LRRTM4: variants seen among roughly 807,000 people sequenced by gnomAD.
LRRTM4 encodes leucine rich repeat transmembrane neuronal 4.
In LRRTM4, 25 loss-of-function variants were observed where a neutral mutation model predicts 47.6. That is an observed-to-expected ratio of 0.53 (90% CI 0.38 to 0.73). The LOEUF (loss-of-function observed/expected upper bound fraction) is 0.73. Among genes scored for constraint, LRRTM4 ranks in the 30% least tolerant of loss-of-function variants. The pLI is 0.00. For missense variants in LRRTM4, 638 were observed against 713.4 expected, an observed-to-expected ratio of 0.89 and a Z score of 1.20; for synonymous variants, 311 against 269.5, an observed-to-expected ratio of 1.15 and a Z score of -1.51.
rs369269382 is a variant in LRRTM4 at position 76,911,935 on chromosome 2, T to TG, written c.1552-163020dup. ...AGAGTGAGTTGTGGTATGTGCTTTT[T>TG]GGGGGGGGGGGGGGGACAGAGTCTC... On this transcript the variant is annotated intron_variant, in intron 3 of 3. Transcript: ENST00000409884. 2.3e-3 allele frequency among the ~76,000 whole-genome samples: 214 copies of TG among 94,280 alleles called. 5 individuals are homozygous for TG. Among genetic ancestry groups the TG allele is most frequent in the African/African-American group, 6.9e-3 (178 of 25,786 alleles). The allele number at this position is 94,280 out of a possible 152,430, so 61.9% of individuals were successfully genotyped here. A position where few individuals can be genotyped will look rare whatever the true frequency, so the allele number is the denominator to read the frequency against.
intron 3 of LRRTM4, among the ~76,000 whole-genome samples, chr2:77,492,847 C>T (rs986426722): frequency 6.6e-6 from 1 of 151,884 alleles, no homozygotes; most frequent in Non-Finnish European, 1.5e-5. Flanking sequence ...AAAATTGTCC[C>T]CTAGATATAA....
At chr2:76,808,593 A>T (rs1197389860) in intron 3 of LRRTM4, among the ~76,000 whole-genome samples, 2 of 152,210 alleles carry the variant, frequency 1.3e-5, no homozygotes, top group Non-Finnish European at 2.9e-5. Context: ...CAAATATGCA[A>T]AACTACTGTT....
chr2:77,061,642 A>G (rs1679788403), intron 3 of LRRTM4, among the ~76,000 whole-genome samples: 1 of 152,194 alleles, frequency 6.6e-6, no homozygotes, highest in Non-Finnish European at 1.5e-5. Flanking sequence ...TTAGTAGAAA[A>G]TATCATGTTC....
intron 3 of LRRTM4, among the ~76,000 whole-genome samples, chr2:77,164,196 G>A (rs1672813617): frequency 6.6e-6 from 1 of 152,082 alleles, no homozygotes; most frequent in South Asian, 2.1e-4. Context: ...AACCAACAAA[G>A]ATCAAAAGAG....
At chr2:76,922,461 T>G (rs1023694345) in intron 3 of LRRTM4, among the ~76,000 whole-genome samples, 3 of 152,054 alleles carry the variant, frequency 2.0e-5, no homozygotes. Context: ...CAAGCCTCCA[T>G]GATTCAATCA....
chr2:76,797,574 G>C (rs201233272), intron 3 of LRRTM4, among the ~76,000 whole-genome samples: 69,194 of 150,732 alleles, frequency 0.46, 17,440 homozygotes, highest in East Asian at 0.67. Context: ...GCAAAAGAGC[G>C]AGCTAACATC....
chr2:77,383,461 TCA>T (rs1479964586), intron 3 of LRRTM4, among the ~76,000 whole-genome samples: 16 of 152,056 alleles, frequency 1.1e-4, no homozygotes, highest in African/African-American at 3.9e-4. Flanking sequence ...ATTCTGAAAA[TCA>T]CACCTCTGCA....
intron 3 of LRRTM4, among the ~76,000 whole-genome samples, chr2:77,339,917 T>A (rs992446806): frequency 6.6e-6 from 1 of 151,928 alleles, no homozygotes; most frequent in Non-Finnish European, 1.5e-5. Context: ...CTAAATAGAA[T>A]GACGCACGTT....
At chr2:77,413,369 T>C (rs1674513705) in intron 3 of LRRTM4, among the ~76,000 whole-genome samples, 1 of 151,172 alleles carries the variant, frequency 6.6e-6, no homozygotes, top group Non-Finnish European at 1.5e-5. Context: ...CTGCCTCTCT[T>C]CATGTAACCA....
chr2:76,980,340 G>A (rs1274337339), intron 3 of LRRTM4, among the ~76,000 whole-genome samples: 1 of 151,950 alleles, frequency 6.6e-6, no homozygotes, highest in African/African-American at 2.4e-5. Flanking sequence ...TTACACTTTT[G>A]TTCAAGCTAA....
intron 3 of LRRTM4, among the ~76,000 whole-genome samples, chr2:77,510,852 T>A (rs1457535464): frequency 1.3e-5 from 2 of 152,096 alleles, no homozygotes; most frequent in Non-Finnish European, 1.5e-5. Flanking sequence ...ATAAGTGTCA[T>A]AAGTTTTGAC....
At chr2:77,054,838 T>G (rs1679549686) in intron 3 of LRRTM4, among the ~76,000 whole-genome samples, 1 of 152,236 alleles carries the variant, frequency 6.6e-6, no homozygotes, top group Non-Finnish European at 1.5e-5. Context: ...CATCAGTGAC[T>G]GGAAAAATTG....
intron 3 of LRRTM4, among the ~76,000 whole-genome samples, chr2:77,327,183 C>T (rs971470246): frequency 1.3e-5 from 2 of 152,134 alleles, no homozygotes; most frequent in African/African-American, 2.4e-5. Context: ...CTACTTATAC[C>T]TATTGTGGTA....
intron 3 of LRRTM4, among the ~76,000 whole-genome samples, chr2:77,050,128 CTTTTTTTTT>C (rs745419725): frequency 8.9e-6 from 1 of 112,698 alleles, no homozygotes; most frequent in African/African-American, 3.5e-5. Context: ...AGAACCAAGT[CTTTTTTTTT>C]TTTTTTTTTG....
intron 3 of LRRTM4, among the ~76,000 whole-genome samples, chr2:76,924,631 T>C (rs1475341757): frequency 2.6e-5 from 4 of 151,174 alleles, no homozygotes; most frequent in East Asian, 3.9e-4. Flanking sequence ...ACTACTGATA[T>C]ATTATGAAAC....
intron 3 of LRRTM4, among the ~76,000 whole-genome samples, chr2:77,090,055 G>A (rs1187294993): frequency 6.6e-6 from 1 of 151,944 alleles, no homozygotes; most frequent in African/African-American, 2.4e-5. Flanking sequence ...TTGCTCCCCA[G>A]GCTGCTCCTC....
chr2:77,474,686 T>C (rs940029846), intron 3 of LRRTM4, among the ~76,000 whole-genome samples: 1 of 152,136 alleles, frequency 6.6e-6, no homozygotes, highest in Non-Finnish European at 1.5e-5. Flanking sequence ...AATCAACCTA[T>C]ATTTGAATGC....
intron 3 of LRRTM4, among the ~76,000 whole-genome samples, chr2:77,420,529 A>T (rs1186851991): frequency 1.3e-5 from 2 of 151,878 alleles, no homozygotes; most frequent in African/African-American, 4.8e-5. Flanking sequence ...AATTTGCAGC[A>T]CTGGAGAAAG....
rs751165265 is a variant in LRRTM4 at position 77,051,308 on chromosome 2, C to G, written c.1552-302392G>C. ...TTTACCATGAGAAACTAAAGAATTACTGTTAGGAGAGTGGGATAAAAGATA... is the reference window on the plus strand; with the variant it reads ...TTTACCATGAGAAACTAAAGAATTAGTGTTAGGAGAGTGGGATAAAAGATA... On this transcript the variant is annotated intron_variant, in intron 3 of 3. Coordinates refer to ENST00000409884, the MANE Select transcript of LRRTM4 (RefSeq NM_001134745.3). 2.0e-5 allele frequency among the ~76,000 whole-genome samples: 3 copies of G among 152,114 alleles called. No homozygotes were observed. The East Asian group carries it at 5.8e-4, about 29-fold the overall frequency.
Sources: allele counts gnomAD v4.1 joint callset (sites outside exome capture counted in the v4.1 genomes callset), GRCh38; gene constraint gnomAD v4.1.1; transcripts MANE v1.5; gene names NCBI Gene and HGNC (gene_info 2026-07-23, HGNC 2026-07-21).